The following MAN2B2 variants were observed in gnomAD, a reference collection of about 807,000 sequenced individuals.
MAN2B2 encodes epididymis-specific alpha-mannosidase.
A neutral mutation model predicts 117.1 loss-of-function variants in MAN2B2; 106 were observed. That is an observed-to-expected ratio of 0.90 (90% CI 0.77 to 1.06). MAN2B2 has a LOEUF of 1.06. Ranked by LOEUF, MAN2B2 falls within the 50% of genes least tolerant of loss-of-function variation. MAN2B2 has a pLI of 0.00. For missense variants in MAN2B2, 1,326 were observed against 1,381.4 expected (o/e 0.96, Z 0.64); for synonymous variants, 544 against 595.1 (o/e 0.91, Z 1.25).
chr4:6,589,496 C>T (rs1726776070), intron 5 of MAN2B2, among the ~76,000 whole-genome samples: 1 of 152,288 alleles, frequency 6.6e-6, no homozygotes, highest in Middle Eastern at 3.4e-3. Context: ...CTGCCTTGGC[C>T]TCCCAAAGTG....
chr4:6,597,062 A>C, intron 7 of MAN2B2, 51 bp from the exon 8 acceptor site: 1 of 1,542,448 alleles, frequency 6.5e-7, no homozygotes, highest in Non-Finnish European at 8.9e-7. Flanking sequence ...GGAGCTTAGC[A>C]GACTTCTGGG....
chr4:6,576,837 G>C, intron 2 of MAN2B2, 113 bp downstream of exon 2: 1 of 1,271,570 alleles, frequency 7.9e-7, no homozygotes, highest in Non-Finnish European at 1.1e-6. Flanking sequence ...ATAAACCACA[G>C]GGCCAAAACC....
At chr4:6,598,533 C>T (rs1288725151) in intron 9 of MAN2B2, among the ~76,000 whole-genome samples, 179 bp downstream of exon 9, 1 of 152,180 alleles carries the variant, frequency 6.6e-6, no homozygotes, top group Non-Finnish European at 1.5e-5. Context: ...GTTTGCTCAT[C>T]CGTGCAATGA....
At chr4:6,594,812 C>CAGCCACTGAAG in intron 7 of MAN2B2, 80 bp downstream of exon 7, 1 of 1,393,248 alleles carries the variant, frequency 7.2e-7, no homozygotes, top group Non-Finnish European at 9.9e-7. Context: ...ACTTCAGTGG[C>CAGCCACTGAAG]TGCTCGGCAC....
chr4:6,583,014 G>C (rs1300487446), intron 3 of MAN2B2, among the ~76,000 whole-genome samples: 2 of 152,140 alleles, frequency 1.3e-5, no homozygotes, highest in Admixed American at 1.3e-4. Context: ...CTGGTGATTG[G>C]GTGGCTCTGC....
chr4:6,579,289 TCAC>T lies in MAN2B2; in HGVS notation c.391+800_391+802del, dbSNP rs1560634982. Among the ~76,000 whole-genome samples, 22 of 14,858 alleles carry T rather than the reference TCAC, an allele frequency of 1.5e-3. 1 individual carries two copies. The highest frequency in any genetic ancestry group is 2.7e-3 in the African/African-American group (12 of 4,474). 9.7% of individuals were successfully genotyped at this position (14,858 alleles called of 152,430 possible). A position where few individuals can be genotyped will look rare whatever the true frequency, so the allele number is the denominator to read the frequency against. On this transcript the variant is annotated intron_variant, in intron 3 of 18. Coordinates refer to ENST00000285599, the MANE Select transcript of MAN2B2 (RefSeq NM_015274.3). Reference sequence around the variant, plus strand: ...ACCACCATCACCACCACCATCACCATCACCACCACCATCACCACCACCACCACC... The same window carrying T: ...ACCACCATCACCACCACCATCACCATCACCACCATCACCACCACCACCACC...
rs1465943727 is a variant in MAN2B2 at position 6,579,174 on chromosome 4, C to T, written c.391+676C>T. The stretch of plus-strand genomic sequence containing the variant: ...ACCATCACCATCACCACCACCACCA[C>T]CACCATCACCATCACCAGCACCACC... On this transcript the variant is annotated intron_variant, in intron 3 of 18. Transcript: ENST00000285599. 1.9e-4 allele frequency among the ~76,000 whole-genome samples: 15 copies of T among 79,504 alleles called. 1 individual carries two copies. The highest frequency in any genetic ancestry group is 1.3e-3 in the East Asian group (2 of 1,600). 52.2% of individuals were successfully genotyped at this position (79,504 alleles called of 152,430 possible).
At chr4:6,580,139 T>C (rs931072740) in intron 3 of MAN2B2, among the ~76,000 whole-genome samples, 1 of 152,204 alleles carries the variant, frequency 6.6e-6, no homozygotes, top group African/African-American at 2.4e-5. Flanking sequence ...TGTTCCCCTG[T>C]CTCAGTTTCT....
At chr4:6,613,956 C>T (rs1372281782) in intron 15 of MAN2B2, among the ~76,000 whole-genome samples, 9 of 152,298 alleles carry the variant, frequency 5.9e-5, no homozygotes, top group South Asian at 2.1e-4. Flanking sequence ...GCTCTTTCCT[C>T]GTCTCTACTT....
intron 13 of MAN2B2, 151 bp downstream of exon 13, chr4:6,610,201 G>C: frequency 2.5e-6 from 3 of 1,190,366 alleles, no homozygotes; most frequent in Non-Finnish European, 3.4e-6. Flanking sequence ...CTGTCACCCA[G>C]GCTGGGGCGC....
At chr4:6,592,115 C>T (rs1381901820) in intron 5 of MAN2B2, among the ~76,000 whole-genome samples, 1 of 152,220 alleles carries the variant, frequency 6.6e-6, no homozygotes, top group Non-Finnish European at 1.5e-5. Flanking sequence ...CAAATCCGCA[C>T]TCTGCCCTGG....
chr4:6,598,822 C>A (rs900744844), intron 9 of MAN2B2, among the ~76,000 whole-genome samples: 1 of 152,174 alleles, frequency 6.6e-6, no homozygotes, highest in Non-Finnish European at 1.5e-5. Context: ...TCCTCAGGGG[C>A]CCGGTCCCTT....
chr4:6,590,407 A>G (rs1459067523), intron 5 of MAN2B2, among the ~76,000 whole-genome samples: 3 of 152,028 alleles, frequency 2.0e-5, no homozygotes, highest in South Asian at 2.1e-4. Flanking sequence ...CAATCAATCA[A>G]TGATGAGGTC....
chr4:6,597,382 C>T, intron 8 of MAN2B2, 79 bp downstream of exon 8: 1 of 1,408,520 alleles, frequency 7.1e-7, no homozygotes, highest in Non-Finnish European at 9.4e-7. Flanking sequence ...CTAGCCAATC[C>T]TTCCAGCCCT....
intron 10 of MAN2B2, among the ~76,000 whole-genome samples, chr4:6,603,101 C>T (rs1480107360): frequency 6.6e-6 from 1 of 152,200 alleles, no homozygotes; most frequent in Non-Finnish European, 1.5e-5. Context: ...AATTTCCACC[C>T]TGGCATGTGG....
intron 10 of MAN2B2, among the ~76,000 whole-genome samples, 186 bp from the exon 11 acceptor site, chr4:6,604,869 G>C (rs1407830046): frequency 1.3e-5 from 2 of 152,044 alleles, no homozygotes; most frequent in Non-Finnish European, 2.9e-5. Flanking sequence ...GTCGCTGAAG[G>C]GTTCTCCCAG....
intron 16 of MAN2B2, among the ~76,000 whole-genome samples, chr4:6,614,686 C>T (rs943149885): frequency 1.3e-5 from 2 of 152,198 alleles, no homozygotes; most frequent in Admixed American, 6.5e-5. Context: ...CTACTTCTTC[C>T]AGGGAAACCT....
chr4:6,579,192 G>GCACCACCACCATCACCATCACCAC (rs1726263149), intron 3 of MAN2B2, among the ~76,000 whole-genome samples: 2 of 5,148 alleles, frequency 3.9e-4, no homozygotes, highest in Admixed American at 1.9e-3. Flanking sequence ...ACCATCACCA[G>GCACCACCACCATCACCATCACCAC]CACCACCACC....
chr4:6,621,781 T>C lies in MAN2B2; in HGVS notation c.*496T>C, dbSNP rs895586461. 6.6e-6 allele frequency: 1 copy of C among 152,670 alleles called. No homozygotes were observed. The highest frequency in any genetic ancestry group is 6.5e-5 in the Admixed American group (1 of 15,306). The allele number at this position is 152,670 out of a possible 1,614,324, so 9.5% of individuals were successfully genotyped here. A position where few individuals can be genotyped will look rare whatever the true frequency, so the allele number is the denominator to read the frequency against. On this transcript the variant is annotated 3_prime_UTR_variant, in exon 19 of 19. Coordinates refer to ENST00000285599, the MANE Select transcript of MAN2B2 (RefSeq NM_015274.3). ...TGCCACAGGGCAGGAGAGGAAGTTG[T>C]AGCGCCTAGCGAGAGTTCCAGCCCC...
Sources: gnomAD v4.1 joint callset for allele counts (sites outside exome capture counted in the v4.1 genomes callset) on GRCh38, gnomAD v4.1.1 for gene constraint, MANE v1.5 for transcripts, NCBI Gene and HGNC (gene_info 2026-07-23, HGNC 2026-07-21) for gene names.